Variants in ZNF296 observed in about 807,000 individuals in gnomAD.
ZNF296 encodes zinc finger protein 342.
A neutral mutation model predicts 13.2 loss-of-function variants in ZNF296; 1 was observed. That is an observed-to-expected ratio of 0.08 (90% CI 0.03 to 0.36). ZNF296 has a LOEUF of 0.36. Among genes scored for constraint, ZNF296 ranks in the 10% least tolerant of loss-of-function variants. ZNF296 has a pLI of 0.99. For missense variants in ZNF296, 555 were observed against 688.2 expected (o/e 0.81, Z 2.16); for synonymous variants, 303 against 289.0 (o/e 1.05, Z -0.49).
chr19:45,076,027 C>A lies in ZNF296; in HGVS notation c.298+49G>T. ...CCATGCCCAAAGGGAAGGGTCCCACCCGAGGGTCAAAGGTAAGGGAGGCTG... is the reference window on the plus strand; with the variant it reads ...CCATGCCCAAAGGGAAGGGTCCCACACGAGGGTCAAAGGTAAGGGAGGCTG... On this transcript the variant is annotated intron_variant, in intron 1 of 2. Transcript: ENST00000303809. The surrounding 1 kb of genome is among the most constrained non-coding windows in gnomAD (Gnocchi z 4.9). 6.4e-7 allele frequency: 1 copy of A among 1,570,306 alleles called. No homozygotes were observed. The highest frequency in any genetic ancestry group is 8.6e-7 in the Non-Finnish European group (1 of 1,163,108).
At chr19:45,075,655 T>A (rs1967332229) in intron 2 of ZNF296, 58 bp downstream of exon 2, 1 of 1,594,800 alleles carries the variant, frequency 6.3e-7, no homozygotes, top group East Asian at 2.2e-5. Flanking sequence ...CCAGCCCCTT[T>A]CCAGCAGGAA....
At position 45,071,824 on chromosome 19, in the gene ZNF296, G is replaced by T; in HGVS notation, c.1205C>A (p.Thr402Lys). ...CCCGGTGTGTGAGCGCCGGTGCACC[G>T]TCAGGTTGCTGCTGTTGGTAAAATG... The part of the protein sequence containing the change: ...GKHFTNSSNL[T>K]VHRRSHTGER... The change falls in exon 3 of 3, where the codon ACG becomes AAG. Residue 402 changes from threonine to lysine, a missense_variant. Coordinates refer to ENST00000303809, the MANE Select transcript of ZNF296 (RefSeq NM_145288.3). 1.2e-6 allele frequency: 2 copies of T among 1,612,718 alleles called. No homozygotes were observed. Among genetic ancestry groups the T allele is most frequent in the Non-Finnish European group, 1.7e-6 (2 of 1,179,808 alleles).
At position 45,076,182 on chromosome 19, in the gene ZNF296, G is replaced by T; in HGVS notation, c.192C>A (p.Gly64=). Residue 64 remains glycine (G), a synonymous_variant, in exon 1 of 3, where the codon GGC becomes GGA. Coordinates refer to ENST00000303809, the MANE Select transcript of ZNF296 (RefSeq NM_145288.3). This position sits in a 1 kb window ranked among gnomAD's most constrained non-coding sequence, Gnocchi z 4.9. The part of the protein sequence containing the change: ...KEVSSAGRFG[G]EPHHSPGPMP... ...TGGGGCCAGGGGAGTGGTGGGGTTC[G>T]CCGCCGAACCGCCCCGCCGAGGACA... The T allele has an allele frequency of 6.6e-7, 1 of 1,505,338 alleles. No individual in the cohort carries two copies. The highest frequency in any genetic ancestry group is 2.4e-5 in the East Asian group (1 of 41,262). The allele number at this position is 1,505,338 out of a possible 1,614,324, so 93.2% of individuals were successfully genotyped here.
chr19:45,075,704 T>G lies in ZNF296; in HGVS notation c.448+9A>C, dbSNP rs1181184122. 1 of 1,613,192 alleles carries G rather than the reference T, an allele frequency of 6.2e-7. No individual in the cohort carries two copies. Among genetic ancestry groups the G allele is most frequent in the Admixed American group, 1.7e-5 (1 of 59,950 alleles). On this transcript the variant is annotated intron_variant, in intron 2 of 2. Coordinates refer to ENST00000303809, the MANE Select transcript of ZNF296 (RefSeq NM_145288.3). ...ACTTGAGAGGGGGACTGCACCCGGC[T>G]TTACTCACCTGAGCCCTGGCCGCGG...
At chr19:45,075,997 G>A (rs1967339727) in intron 1 of ZNF296, 79 bp downstream of exon 1, 28 of 1,568,606 alleles carry the variant, frequency 1.8e-5, no homozygotes, top group Admixed American at 8.0e-5. Flanking sequence ...GGCAGGGCGA[G>A]GGGCCCATGC....
chr19:45,071,764 G>A lies in ZNF296; in HGVS notation c.1265C>T (p.Ala422Val). The A allele has an allele frequency of 6.2e-7, 1 of 1,613,116 alleles. No individual in the cohort carries two copies. Among genetic ancestry groups the A allele is most frequent in the Non-Finnish European group, 8.5e-7 (1 of 1,179,746 alleles). ...RPYTCEFCNYACAQSSKLNRH... is the reference protein window; with the variant it reads ...RPYTCEFCNYVCAQSSKLNRH... ...GTTGAGCTTACTGCTCTGGGCGCAG[G>A]CGTAGTTGCAGAACTCACAGGTGTA... The change falls in exon 3 of 3, where the codon GCC (alanine) becomes GTC (valine). Residue 422 changes from alanine to valine, a missense_variant. By Grantham distance (64) the Ala-to-Val change is moderately conservative. Around this residue, in one of 3 missense-constraint regions of ZNF296, gnomAD observed 410 missense variants for 548.0 expected, o/e 0.75. Transcript: ENST00000303809.
rs964010424 is a variant in ZNF296 at position 45,076,210 on chromosome 19, T to TCC, written c.162_163dup (p.Glu55GlyfsTer41). On this transcript the variant is annotated frameshift_variant, in exon 1 of 3. Coordinates refer to ENST00000303809, the MANE Select transcript of ZNF296 (RefSeq NM_145288.3). LOFTEE classifies it high-confidence loss of function. This position sits in a 1 kb window ranked among gnomAD's most constrained non-coding sequence, Gnocchi z 4.9. Reference sequence around the variant, plus strand: ...GCCGAACCGCCCCGCCGAGGACACCTCCTTCGGGGAGAAGGGCCCCAGCCT... The same window carrying TCC: ...GCCGAACCGCCCCGCCGAGGACACCTCCCCTTCGGGGAGAAGGGCCCCAGCCT... The TCC allele has an allele frequency of 6.7e-7, 1 of 1,503,218 alleles. No individual in the cohort carries two copies. The highest frequency in any genetic ancestry group is 8.9e-7 in the Non-Finnish European group (1 of 1,129,612). The allele number at this position is 1,503,218 out of a possible 1,614,324, so 93.1% of individuals were successfully genotyped here.
chr19:45,072,068 C>G lies in ZNF296; in HGVS notation c.961G>C (p.Gly321Arg), dbSNP rs780470969. ...AAPTSTLPCS[G>R]GEGAGAAATA... is the part of the protein sequence containing the mutation. The stretch of plus-strand genomic sequence containing the variant: ...GCGGCGGCTCCAGCCCCCTCACCAC[C>G]GCTGCATGGAAGGGTGCTGGTGGGG... Residue 321 changes from glycine (G) to arginine (R), a missense_variant, in exon 3 of 3, where the codon GGT becomes CGT. Physicochemically the swap from Gly to Arg is moderately radical, Grantham distance 125 (BLOSUM62 -2). Transcript: ENST00000303809. 6 of 1,612,496 alleles carry G rather than the reference C, an allele frequency of 3.7e-6. No homozygotes were observed. The highest frequency in any genetic ancestry group is 1.7e-5 in the Admixed American group (1 of 60,000).
rs1967340283 is a variant in ZNF296, at chr19:45,076,019, G to A, written c.298+57C>T. 3 of 1,569,680 alleles carry A rather than the reference G, an allele frequency of 1.9e-6. No homozygotes were observed. The highest frequency in any genetic ancestry group is 2.6e-6 in the Non-Finnish European group (3 of 1,162,680). ...CGAGGGGCCCATGCCCAAAGGGAAG[G>A]GTCCCACCCGAGGGTCAAAGGTAAG... On this transcript the variant is annotated intron_variant, in intron 1 of 2. Transcript: ENST00000303809. The surrounding 1 kb of genome is among the most constrained non-coding windows in gnomAD (Gnocchi z 4.9).
intron 2 of ZNF296, 85 bp downstream of exon 2, chr19:45,075,628 G>A (rs1967331500): frequency 6.6e-7 from 1 of 1,525,338 alleles, no homozygotes; most frequent in Middle Eastern, 1.8e-4. Flanking sequence ...GTAGTGCTCA[G>A]TGCCCTGCCG....
chr19:45,074,075 A>T (rs770244974), intron 2 of ZNF296, among the ~76,000 whole-genome samples: 1 of 150,836 alleles, frequency 6.6e-6, no homozygotes, highest in Non-Finnish European at 1.5e-5. Context: ...AGTAATTGAG[A>T]TATCTGGGCA....
chr19:45,076,098 C>A lies in ZNF296; in HGVS notation c.276G>T (p.Thr92=), dbSNP rs780447363. The change falls in exon 1 of 3, where the codon ACG becomes ACT. Residue 92 remains threonine (T), a synonymous_variant. Transcript: ENST00000303809. The surrounding 1 kb of genome is among the most constrained non-coding windows in gnomAD (Gnocchi z 4.9). ...LGPRNPWTLW[T]PLTPNYPDRQ... ...CACCGGGATAGTTCGGGGTCAACGGCGTCCACAGGGTCCACGGGTTCCGCG... is the reference window on the plus strand; with the variant it reads ...CACCGGGATAGTTCGGGGTCAACGGAGTCCACAGGGTCCACGGGTTCCGCG... 9 of 1,581,510 alleles carry A rather than the reference C, an allele frequency of 5.7e-6. 1 individual carries two copies. The South Asian group carries it at 8.0e-5, about 14-fold the overall frequency.
At position 45,076,032 on chromosome 19, in the gene ZNF296, G is replaced by T. The variant is rs1223743327; in HGVS notation, c.298+44C>A. 1 of 1,571,430 alleles carries T rather than the reference G, an allele frequency of 6.4e-7. No homozygotes were observed. The highest frequency in any genetic ancestry group is 1.2e-5 in the South Asian group (1 of 86,892). The stretch of plus-strand genomic sequence containing the variant: ...CCCAAAGGGAAGGGTCCCACCCGAG[G>T]GTCAAAGGTAAGGGAGGCTGGGCCC... On this transcript the variant is annotated intron_variant, in intron 1 of 2. Coordinates refer to ENST00000303809, the MANE Select transcript of ZNF296 (RefSeq NM_145288.3). This position sits in a 1 kb window ranked among gnomAD's most constrained non-coding sequence, Gnocchi z 4.9.
rs373655506 is a variant in ZNF296, at chr19:45,076,252, T to C, written c.122A>G (p.Gln41Arg). The C allele has an allele frequency of 3.1e-5, 46 of 1,503,564 alleles. No homozygotes were observed. The African/African-American group carries it at 6.3e-4, about 20-fold the overall frequency. 93.1% of individuals were successfully genotyped at this position (1,503,564 alleles called of 1,614,324 possible). The change falls in exon 1 of 3, where the codon CAG (glutamine) becomes CGG (arginine). Residue 41 changes from glutamine to arginine, a missense_variant. Gln to Arg is a conservative substitution (Grantham distance 43). Transcript: ENST00000303809. This position sits in a 1 kb window ranked among gnomAD's most constrained non-coding sequence, Gnocchi z 4.9. The part of the protein sequence containing the change: ...VIELKPEPDA[Q>R]PQQAPRLGPF... The stretch of plus-strand genomic sequence containing the variant: ...CCCCAGCCTTGGGGCCTGTTGGGGC[T>C]GCGCGTCTGGCTCGGGCTTGAGTTC...
chr19:45,073,207 TC>T (rs1443163241), intron 2 of ZNF296, among the ~76,000 whole-genome samples: 1 of 151,992 alleles, frequency 6.6e-6, no homozygotes, highest in Non-Finnish European at 1.5e-5. Context: ...GAGAGGCATT[TC>T]CCCAGGGTTG....
chr19:45,072,875 C>T (rs1408422372), intron 2 of ZNF296, among the ~76,000 whole-genome samples: 2 of 152,154 alleles, frequency 1.3e-5, no homozygotes, highest in Non-Finnish European at 2.9e-5. Flanking sequence ...TATTCTCATG[C>T]CTCAGCCTCT....
Position 45,075,864 on chromosome 19 carries a change from T to C in ZNF296, c.299-2A>G, listed in dbSNP as rs1642354041. 6.2e-7 allele frequency: 1 copy of C among 1,613,310 alleles called. No homozygotes were observed. On this transcript the variant is annotated splice_acceptor_variant, in intron 1 of 2. Coordinates refer to ENST00000303809, the MANE Select transcript of ZNF296 (RefSeq NM_145288.3). LOFTEE classifies it high-confidence loss of function. ...GTTTGTCGGTCCAGGGCTGGCGGTC[T>C]GCAGGGAGGAAGCGGGTGGTGAGCG... is the stretch of plus-strand genomic sequence containing the variant.
At chr19:45,075,938 C>G in intron 1 of ZNF296, 76 bp from the exon 2 acceptor site, 1 of 1,596,208 alleles carries the variant, frequency 6.3e-7, no homozygotes, top group Non-Finnish European at 8.5e-7. Context: ...AGAGGGGAAA[C>G]CGAAGGTCAG....
rs935184737 is a variant in ZNF296 at position 45,076,424 on chromosome 19, G to A, written c.-51C>T. ...GGCGGGCAGGCAGGCAGGCGGGCGG[G>A]CGGAGGACGCACGAGCGGAGGACGC... On this transcript the variant is annotated 5_prime_UTR_variant, in exon 1 of 3. Transcript: ENST00000303809. The surrounding 1 kb of genome is among the most constrained non-coding windows in gnomAD (Gnocchi z 4.9). 5.8e-6 allele frequency: 7 copies of A among 1,201,696 alleles called. No individual in the cohort carries two copies. Among genetic ancestry groups the A allele is most frequent in the African/African-American group, 1.6e-5 (1 of 63,284 alleles). 74.4% of individuals were successfully genotyped at this position (1,201,696 alleles called of 1,614,324 possible). A position where few individuals can be genotyped will look rare whatever the true frequency, so the allele number is the denominator to read the frequency against.
Sources: gnomAD v4.1 joint callset for allele counts (sites outside exome capture counted in the v4.1 genomes callset) on GRCh38, gnomAD v4.1.1 for gene constraint, gnomAD v4.1.1 regional missense constraint, Gnocchi (gnomAD v3.1) non-coding constraint, MANE v1.5 for transcripts, NCBI Gene and HGNC (gene_info 2026-07-23, HGNC 2026-07-21) for gene names.